The following TRAF3 variants were observed in gnomAD, a reference collection of about 807,000 sequenced individuals.
TRAF3 encodes TNF receptor associated factor 3.
A neutral mutation model predicts 62.3 loss-of-function variants in TRAF3; 13 were observed. The ratio of observed to expected loss-of-function variants is 0.21; its 90% CI spans 0.14 to 0.33. TRAF3 has a LOEUF of 0.33. TRAF3 is among the 10% of genes least tolerant of loss of function. TRAF3 has a pLI of 1.00. For missense variants in TRAF3, 440 were observed against 741.8 expected, an observed-to-expected ratio of 0.59 and a Z score of 4.73; for synonymous variants, 269 against 283.4, an observed-to-expected ratio of 0.95 and a Z score of 0.51.
At chr14:102,872,600 G>A (rs933180416) in intron 4 of TRAF3, among the ~76,000 whole-genome samples, 3 of 152,200 alleles carry the variant, frequency 2.0e-5, no homozygotes, top group African/African-American at 7.2e-5. Context: ...TTCTCATGGA[G>A]ACTGACAGTC....
At chr14:102,790,656 C>T (rs1248010951) in intron 1 of TRAF3, among the ~76,000 whole-genome samples, 1 of 152,112 alleles carries the variant, frequency 6.6e-6, no homozygotes, top group African/African-American at 2.4e-5. Context: ...GATTCAGTTA[C>T]CTCCCCCTGG....
At chr14:102,854,779 G>T (rs1043285415) in intron 2 of TRAF3, among the ~76,000 whole-genome samples, 1 of 150,114 alleles carries the variant, frequency 6.7e-6, no homozygotes, top group Admixed American at 6.6e-5. Context: ...GGGATTATAG[G>T]TGTCAGCTGC....
At chr14:102,810,238 G>A (rs576838474) in intron 1 of TRAF3, among the ~76,000 whole-genome samples, 5 of 152,246 alleles carry the variant, frequency 3.3e-5, no homozygotes, top group African/African-American at 1.2e-4. Context: ...TTTTGATCTT[G>A]AGGGGATTTG....
chr14:102,884,109 A>C (rs1889226219), intron 6 of TRAF3, among the ~76,000 whole-genome samples: 1 of 152,234 alleles, frequency 6.6e-6, no homozygotes, highest in South Asian at 2.1e-4. Flanking sequence ...CTGGAAATGC[A>C]AAACCAAGGC....
chr14:102,818,586 T>C (rs1376209794), intron 1 of TRAF3, among the ~76,000 whole-genome samples: 1 of 152,208 alleles, frequency 6.6e-6, no homozygotes, highest in Non-Finnish European at 1.5e-5. Context: ...TAACTGAAAC[T>C]TTGTACCATT....
Position 102,864,026 on chromosome 14 carries a change from T to G in TRAF3, c.-17-6159T>G, listed in dbSNP as rs74883272. ...AGAGAAAGTTAAAATGCCATGGAACTCGCGGTTCTTGCTGAGATTCACCTG... is the reference window on the plus strand; with the variant it reads ...AGAGAAAGTTAAAATGCCATGGAACGCGCGGTTCTTGCTGAGATTCACCTG... On this transcript the variant is annotated intron_variant, in intron 2 of 11. Transcript: ENST00000392745. Among the ~76,000 whole-genome samples, 1,105 of 152,346 alleles carry G rather than the reference T, an allele frequency of 7.3e-3. 15 individuals are homozygous for G. The highest frequency in any genetic ancestry group is 0.025 in the African/African-American group (1,049 of 41,574).
intron 2 of TRAF3, among the ~76,000 whole-genome samples, chr14:102,856,246 A>G (rs1887361850): frequency 6.6e-6 from 1 of 152,198 alleles, no homozygotes; most frequent in Admixed American, 6.5e-5. Context: ...CCATAGGCAG[A>G]GCCCATTGCC....
intron 1 of TRAF3, among the ~76,000 whole-genome samples, chr14:102,818,030 G>C (rs1306042257): frequency 8.5e-5 from 13 of 152,216 alleles, no homozygotes. Context: ...TCTGGAGGCA[G>C]TATGGCGAGC....
At position 102,802,844 on chromosome 14, in the gene TRAF3, C is replaced by G. The variant is rs185613216; in HGVS notation, c.-157+25169C>G. ...CTCTGTCTCAAAAAAAAGAAATACTCGAGACTGAGTAATTTATTAATATAA... is the reference window on the plus strand; with the variant it reads ...CTCTGTCTCAAAAAAAAGAAATACTGGAGACTGAGTAATTTATTAATATAA... On this transcript the variant is annotated intron_variant, in intron 1 of 11. Coordinates refer to ENST00000392745, the MANE Select transcript of TRAF3 (RefSeq NM_145725.3). Among the ~76,000 whole-genome samples, 757 of 152,068 alleles carry G rather than the reference C, an allele frequency of 5.0e-3. 25 individuals carry two copies. The highest frequency in any genetic ancestry group is 0.046 in the Admixed American group (709 of 15,254).
intron 6 of TRAF3, among the ~76,000 whole-genome samples, chr14:102,883,877 T>G (rs142378897): frequency 1.5e-3 from 223 of 152,326 alleles, no homozygotes; most frequent in Non-Finnish European, 2.4e-3. Context: ...CGGCCTGTGC[T>G]TTTCAACTCA....
intron 2 of TRAF3, among the ~76,000 whole-genome samples, chr14:102,865,391 GA>G (rs1345546883): frequency 1.3e-5 from 2 of 152,140 alleles, no homozygotes; most frequent in Admixed American, 1.3e-4. Flanking sequence ...TCTTACTTGA[GA>G]ACACCTCCTT....
intron 2 of TRAF3, among the ~76,000 whole-genome samples, chr14:102,843,268 A>T (rs1169042831): frequency 1.3e-5 from 2 of 152,124 alleles, no homozygotes; most frequent in African/African-American, 4.8e-5. Context: ...TATTGCCAGC[A>T]GAATGGCACT....
intron 1 of TRAF3, among the ~76,000 whole-genome samples, chr14:102,811,755 G>T (rs1219139842): frequency 9.0e-6 from 1 of 110,586 alleles, no homozygotes; most frequent in Non-Finnish European, 2.2e-5. Context: ...GTGTGTGTGT[G>T]TGTGTGTTTG....
intron 2 of TRAF3, among the ~76,000 whole-genome samples, chr14:102,867,992 C>G (rs1888104609): frequency 6.6e-6 from 1 of 152,242 alleles, no homozygotes; most frequent in Non-Finnish European, 1.5e-5. Context: ...AGTCTGTCAG[C>G]TCATGTGCCT....
intron 2 of TRAF3, among the ~76,000 whole-genome samples, chr14:102,836,252 CT>C (rs1193113636): frequency 7.9e-5 from 12 of 152,348 alleles, no homozygotes; most frequent in African/African-American, 2.9e-4. Context: ...CTCGCTGAGT[CT>C]TTTCTGAAGT....
chr14:102,782,551 A>C (rs2140054897), intron 1 of TRAF3, among the ~76,000 whole-genome samples: 1 of 152,306 alleles, frequency 6.6e-6, no homozygotes, highest in African/African-American at 2.4e-5. Context: ...AAAATTTAAA[A>C]AAAGTCCTTT....
intron 1 of TRAF3, among the ~76,000 whole-genome samples, chr14:102,823,006 C>CAA (rs113907707): frequency 5.4e-4 from 70 of 128,880 alleles, no homozygotes; most frequent in East Asian, 2.6e-3. Flanking sequence ...AACTCCATCT[C>CAA]AAAAAAAAAA....
intron 6 of TRAF3, 68 bp from the exon 7 acceptor site, chr14:102,886,121 G>A: frequency 6.5e-7 from 1 of 1,547,150 alleles, no homozygotes; most frequent in South Asian, 1.1e-5. Flanking sequence ...GGCCCCATGG[G>A]GATCTCAGCG....
chr14:102,802,154 AT>A (rs1202677524), intron 1 of TRAF3, among the ~76,000 whole-genome samples: 32,301 of 80,830 alleles, frequency 0.4, 6,482 homozygotes, highest in Middle Eastern at 0.63. Flanking sequence ...ACCTGGACTC[AT>A]TTTTTTTTTT....
Sources: allele counts gnomAD v4.1 joint callset (sites outside exome capture counted in the v4.1 genomes callset), GRCh38; gene constraint gnomAD v4.1.1; transcripts MANE v1.5; gene names NCBI Gene and HGNC (gene_info 2026-07-23, HGNC 2026-07-21).